ACSL1: variants seen among roughly 807,000 people sequenced by gnomAD.
ACSL1 encodes the protein acyl-CoA synthetase long chain family member 1.
A neutral mutation model predicts 98.4 loss-of-function variants in ACSL1; 41 were observed. The ratio of observed to expected loss-of-function variants is 0.42; its 90% CI spans 0.32 to 0.54. The LOEUF (loss-of-function observed/expected upper bound fraction) is 0.54. Among genes scored for constraint, ACSL1 ranks in the 20% least tolerant of loss-of-function variants. The pLI, the probability that ACSL1 is intolerant of heterozygous loss-of-function variation, is 0.13. For missense variants in ACSL1, 734 were observed against 883.1 expected (o/e 0.83, Z 2.14); for synonymous variants, 316 against 322.7 (o/e 0.98, Z 0.22).
chr4:184,775,579 G>A (rs60241287), intron 7 of ACSL1, among the ~76,000 whole-genome samples: 20,775 of 152,130 alleles, frequency 0.14, 1,638 homozygotes, highest in Non-Finnish European at 0.17. Context: ...TACTGAGAGA[G>A]AGAGTTGGGC....
chr4:184,824,063 T>C (rs549215802), intron 1 of ACSL1, among the ~76,000 whole-genome samples: 1 of 152,268 alleles, frequency 6.6e-6, no homozygotes, highest in African/African-American at 2.4e-5. Context: ...ACTGCCAAAA[T>C]AGGAACAACA....
rs1762176490 is a variant in ACSL1, at chr4:184,756,863, C to T, written c.*262G>A. The stretch of plus-strand genomic sequence containing the variant: ...TGAGGAAGTCTCAAATAACTTAGCA[C>T]ATTTATAGTATCCCCTTTACAATTT... On this transcript the variant is annotated 3_prime_UTR_variant, in exon 21 of 21. Transcript: ENST00000281455. The T allele has an allele frequency of 6.1e-6, 2 of 328,546 alleles. No individual in the cohort carries two copies. Among genetic ancestry groups the T allele is most frequent in the East Asian group, 5.0e-5 (1 of 19,970 alleles). The allele number at this position is 328,546 out of a possible 1,614,324, so 20.4% of individuals were successfully genotyped here. A position where few individuals can be genotyped will look rare whatever the true frequency, so the allele number is the denominator to read the frequency against.
At chr4:184,799,522 A>G (rs1049931461) in intron 2 of ACSL1, among the ~76,000 whole-genome samples, 33 of 152,010 alleles carry the variant, frequency 2.2e-4, no homozygotes, top group Admixed American at 1.9e-3. Flanking sequence ...CACTACCTTT[A>G]GACTCATTTG....
At chr4:184,775,695 T>A (rs1364836475) in intron 7 of ACSL1, among the ~76,000 whole-genome samples, 1 of 152,156 alleles carries the variant, frequency 6.6e-6, no homozygotes, top group Non-Finnish European at 1.5e-5. Context: ...ACTTATAGCC[T>A]CAAATTCTTT....
At chr4:184,810,864 C>A (rs573996469) in intron 1 of ACSL1, among the ~76,000 whole-genome samples, 21 of 152,274 alleles carry the variant, frequency 1.4e-4, no homozygotes, top group Admixed American at 1.2e-3. Flanking sequence ...GGGCTAAATG[C>A]GTCCTCGTCA....
At chr4:184,760,316 A>G in intron 18 of ACSL1, 41 bp downstream of exon 18, 7 of 1,606,178 alleles carry the variant, frequency 4.4e-6, no homozygotes, top group Non-Finnish European at 6.0e-6. Flanking sequence ...AGGCAATGGC[A>G]ATGTGTATGC....
chr4:184,823,566 A>G (rs778053300), intron 1 of ACSL1, among the ~76,000 whole-genome samples: 3 of 152,238 alleles, frequency 2.0e-5, no homozygotes, highest in African/African-American at 4.8e-5. Flanking sequence ...ATACCCAGTT[A>G]TAATGACAAG....
chr4:184,820,059 A>C (rs1188683085), intron 1 of ACSL1, among the ~76,000 whole-genome samples: 2 of 151,924 alleles, frequency 1.3e-5, no homozygotes, highest in Non-Finnish European at 2.9e-5. Context: ...CCGGGAACAA[A>C]CTCCACACGT....
Position 184,765,942 on chromosome 4 carries a change from G to A in ACSL1, c.1308C>T (p.Ala436=), listed in dbSNP as rs1051679831. The A allele has an allele frequency of 2.5e-6, 4 of 1,614,030 alleles. No individual in the cohort carries two copies. The South Asian group carries it at 4.4e-5, about 18-fold the overall frequency. The change falls in exon 14 of 21, where the codon GCC becomes GCT. Residue 436 remains alanine (A), a synonymous_variant. Coordinates refer to ENST00000281455, the MANE Select transcript of ACSL1 (RefSeq NM_001995.5). ...GRVRLMVTGA[A]PVSATVLTFL... is the part of the protein sequence containing the mutation. ...ACGTCAGCACAGTGGCAGACACCGGGGCGGCTCCTGTCACCATCAGCCGGA... is the reference window on the plus strand; with the variant it reads ...ACGTCAGCACAGTGGCAGACACCGGAGCGGCTCCTGTCACCATCAGCCGGA...
Position 184,768,303 on chromosome 4 carries a change from G to A in ACSL1, c.1128+13C>T. The A allele has an allele frequency of 6.2e-7, 1 of 1,609,362 alleles. No individual in the cohort carries two copies. The highest frequency in any genetic ancestry group is 8.5e-7 in the Non-Finnish European group (1 of 1,178,840). ...CAGTGCTCAGTCCTGGGACTTCGCTGCTTGGAACTTACTCGGTCAAACATC... is the reference window on the plus strand; with the variant it reads ...CAGTGCTCAGTCCTGGGACTTCGCTACTTGGAACTTACTCGGTCAAACATC... On this transcript the variant is annotated intron_variant, in intron 12 of 20. Transcript: ENST00000281455.
At chr4:184,813,942 G>GC (rs1444368373) in intron 1 of ACSL1, 1 of 447,226 alleles carries the variant, frequency 2.2e-6, no homozygotes, top group Non-Finnish European at 4.5e-6. Flanking sequence ...CAGGTGCTCT[G>GC]CCCAAAGTCA....
intron 2 of ACSL1, among the ~76,000 whole-genome samples, chr4:184,801,571 G>GT (rs1770528979): frequency 6.6e-6 from 1 of 152,206 alleles, no homozygotes; most frequent in Non-Finnish European, 1.5e-5. Context: ...CAAAGCATCT[G>GT]TAATTATTAA....
chr4:184,797,452 C>A (rs12500940), intron 2 of ACSL1, among the ~76,000 whole-genome samples: 15,385 of 152,250 alleles, frequency 0.1, 951 homozygotes, highest in Non-Finnish European at 0.14. Context: ...TCCATATACA[C>A]CCTCTAAACA....
chr4:184,790,333 A>C (rs1382568657), intron 2 of ACSL1, among the ~76,000 whole-genome samples: 2 of 152,240 alleles, frequency 1.3e-5, no homozygotes, highest in Non-Finnish European at 2.9e-5. Flanking sequence ...AGGAAAAATG[A>C]TGACTATTAG....
rs1763556319 is a variant in ACSL1 at position 184,766,068 on chromosome 4, G to A, written c.1264-82C>T. ...CTCTCCGCCAAGGGGGCCTGCTTGGGACCCCGTTCCCTAACCCATAGCTGC... is the reference window on the plus strand; with the variant it reads ...CTCTCCGCCAAGGGGGCCTGCTTGGAACCCCGTTCCCTAACCCATAGCTGC... On this transcript the variant is annotated intron_variant, in intron 13 of 20. Coordinates refer to ENST00000281455, the MANE Select transcript of ACSL1 (RefSeq NM_001995.5). This position sits in a 1 kb window ranked among gnomAD's most constrained non-coding sequence, Gnocchi z 4.8. 8 of 1,373,152 alleles carry A rather than the reference G, an allele frequency of 5.8e-6. No homozygotes were observed. The South Asian group carries it at 1.0e-4, about 17-fold the overall frequency. The allele number at this position is 1,373,152 out of a possible 1,614,324, so 85.1% of individuals were successfully genotyped here.
rs112531410 is a variant in ACSL1 at position 184,819,141 on chromosome 4, T to C, written c.-33+6775A>G. Among the ~76,000 whole-genome samples the C allele has an allele frequency of 8.2e-4, 85 of 103,420 alleles. 1 individual carries two copies. The highest frequency in any genetic ancestry group is 6.1e-3 in the African/African-American group (74 of 12,156). The allele number at this position is 103,420 out of a possible 152,430, so 67.8% of individuals were successfully genotyped here. The stretch of plus-strand genomic sequence containing the variant: ...TGGGCATCGTACCATTTAGATGTAC[T>C]TTTTTTTTTTTTTTTTTTGGAGACA... On this transcript the variant is annotated intron_variant, in intron 1 of 20. Transcript: ENST00000281455.
chr4:184,780,832 CT>C (rs1445673462), intron 4 of ACSL1, among the ~76,000 whole-genome samples: 1 of 152,142 alleles, frequency 6.6e-6, no homozygotes, highest in Non-Finnish European at 1.5e-5. Flanking sequence ...GAAACAGCAA[CT>C]TTTGAGAGAC....
At chr4:184,816,050 G>A (rs1034198311) in intron 1 of ACSL1, among the ~76,000 whole-genome samples, 20 of 152,174 alleles carry the variant, frequency 1.3e-4, no homozygotes, top group African/African-American at 3.9e-4. Flanking sequence ...AACCTGTGGG[G>A]GGCGCAGCGG....
chr4:184,813,825 C>T, intron 1 of ACSL1: 1 of 456,106 alleles, frequency 2.2e-6, no homozygotes, highest in Non-Finnish European at 4.4e-6. Context: ...AGAGCTGGCC[C>T]CAAGCTATGC....
Sources: gnomAD v4.1 joint callset for allele counts (sites outside exome capture counted in the v4.1 genomes callset) on GRCh38, gnomAD v4.1.1 for gene constraint, Gnocchi (gnomAD v3.1) non-coding constraint, MANE v1.5 for transcripts, NCBI Gene and HGNC (gene_info 2026-07-23, HGNC 2026-07-21) for gene names.